Variants in PRSS23 observed in about 807,000 individuals in gnomAD.
PRSS23 encodes the protein serine protease 23.
A neutral mutation model predicts 34.7 loss-of-function variants in PRSS23; 25 were observed. The observed-to-expected ratio is 0.72, with a 90% CI of 0.53 to 1.01. The LOEUF (loss-of-function observed/expected upper bound fraction) is 1.01. Ranked by LOEUF, PRSS23 falls within the 50% of genes least tolerant of loss-of-function variation. The probability of loss-of-function intolerance (pLI) is 0.00; values close to 1 mark genes in which losing one functional copy is unlikely to be tolerated. For missense variants in PRSS23, 445 were observed against 475.6 expected, an observed-to-expected ratio of 0.94 and a Z score of 0.60; for synonymous variants, 176 against 186.6, an observed-to-expected ratio of 0.94 and a Z score of 0.46.
At chr11:86,928,978 G>A (rs957239348) in intron 2 of PRSS23, among the ~76,000 whole-genome samples, 1 of 151,922 alleles carries the variant, frequency 6.6e-6, no homozygotes, top group African/African-American at 2.4e-5. Flanking sequence ...TTGTGGATGG[G>A]AATATGAAGT....
intron 2 of PRSS23, among the ~76,000 whole-genome samples, chr11:86,886,355 T>C (rs942181417): frequency 6.6e-5 from 10 of 152,164 alleles, no homozygotes; most frequent in African/African-American, 1.9e-4. Flanking sequence ...GGATCATTTG[T>C]AGGAGTATAA....
chr11:86,896,190 TC>T (rs1185352160), intron 2 of PRSS23, among the ~76,000 whole-genome samples: 4 of 152,178 alleles, frequency 2.6e-5, no homozygotes, highest in African/African-American at 9.7e-5. Context: ...GGCAGATATT[TC>T]AGGATGTATA....
At chr11:86,923,496 A>G (rs1439751366) in intron 2 of PRSS23, among the ~76,000 whole-genome samples, 1 of 152,186 alleles carries the variant, frequency 6.6e-6, no homozygotes, top group Admixed American at 6.5e-5. Flanking sequence ...GCAGAACTAG[A>G]CTATAGGCCA....
chr11:86,895,611 C>T (rs1337640702), intron 2 of PRSS23, among the ~76,000 whole-genome samples: 2 of 150,004 alleles, frequency 1.3e-5, no homozygotes, highest in East Asian at 4.0e-4. Context: ...TCCTAAGTAG[C>T]TGGGACCACA....
intron 2 of PRSS23, among the ~76,000 whole-genome samples, chr11:86,869,641 A>G (rs1360674572): frequency 6.6e-6 from 1 of 152,130 alleles, no homozygotes; most frequent in Non-Finnish European, 1.5e-5. Context: ...ACAGAGCTGG[A>G]TTAACTTCTG....
At chr11:86,925,372 T>TAAGCTGCTTCTCATTGGCTGAC (rs1182936594) in intron 2 of PRSS23, among the ~76,000 whole-genome samples, 9 of 151,970 alleles carry the variant, frequency 5.9e-5, no homozygotes, top group African/African-American at 2.2e-4. Flanking sequence ...GTCCGATTGA[T>TAAGCTGCTTCTCATTGGCTGAC]AAGCTGCTTC....
intron 2 of PRSS23, among the ~76,000 whole-genome samples, chr11:86,895,680 A>G (rs561339284): frequency 1.4e-4 from 22 of 151,908 alleles, no homozygotes; most frequent in African/African-American, 4.8e-4. Flanking sequence ...GGGTTTCACC[A>G]TGTTGCCCAG....
chr11:86,842,886 G>A (rs184145564), intron 2 of PRSS23, among the ~76,000 whole-genome samples: 1 of 152,008 alleles, frequency 6.6e-6, no homozygotes, highest in African/African-American at 2.4e-5. Context: ...CCATCAACTA[G>A]CACTAATTTT....
intron 2 of PRSS23, among the ~76,000 whole-genome samples, chr11:86,879,803 C>T (rs1417479282): frequency 1.8e-5 from 2 of 111,284 alleles, no homozygotes; most frequent in East Asian, 6.1e-4. Context: ...GGCCAGCCGC[C>T]CCGTCCGGGA....
intron 2 of PRSS23, chr11:86,938,944 T>C (rs77433857): frequency 0.045 from 18,434 of 405,290 alleles, 622 homozygotes; most frequent in South Asian, 0.097. Flanking sequence ...CATTAAAAGA[T>C]AGCCAAATGG....
intron 2 of PRSS23, among the ~76,000 whole-genome samples, chr11:86,841,533 G>A (rs567545945): frequency 4.6e-5 from 7 of 152,032 alleles, no homozygotes; most frequent in African/African-American, 1.2e-4. Context: ...AACACAGACC[G>A]CTAGCAAGAC....
chr11:86,864,394 T>C (rs1285109224), intron 2 of PRSS23, among the ~76,000 whole-genome samples: 1 of 152,134 alleles, frequency 6.6e-6, no homozygotes, highest in African/African-American at 2.4e-5. Context: ...TGGCGGTTCA[T>C]GTGTAGCAGA....
intron 2 of PRSS23, chr11:86,823,727 C>G (rs1948271993): frequency 1.6e-6 from 1 of 633,500 alleles, no homozygotes; most frequent in Admixed American, 2.3e-5. Flanking sequence ...TCAGAGCAGG[C>G]CGGGCGCGGT....
chr11:86,951,107 C>G (rs780777696), intron 2 of PRSS23: 1 of 1,609,802 alleles, frequency 6.2e-7, no homozygotes, highest in East Asian at 2.2e-5. Context: ...GCATTCCCCC[C>G]TTCAAAATGA....
chr11:86,835,071 G>A (rs985566913), intron 2 of PRSS23, among the ~76,000 whole-genome samples: 4 of 152,174 alleles, frequency 2.6e-5, no homozygotes. Flanking sequence ...TTTCTTCATT[G>A]TCTGGAAGAA....
intron 2 of PRSS23, among the ~76,000 whole-genome samples, chr11:86,866,603 C>G (rs892761843): frequency 6.6e-6 from 1 of 152,142 alleles, no homozygotes; most frequent in Non-Finnish European, 1.5e-5. Flanking sequence ...TAAGGATGAG[C>G]AAGATACCCA....
chr11:86,929,316 C>G (rs1479139956), intron 2 of PRSS23, among the ~76,000 whole-genome samples: 2 of 146,046 alleles, frequency 1.4e-5, no homozygotes, highest in South Asian at 4.4e-4. Context: ...CAGCGAAACT[C>G]CGTCTCAAAA....
At chr11:86,939,291 A>G (rs890497773) in intron 2 of PRSS23, among the ~76,000 whole-genome samples, 9 of 151,748 alleles carry the variant, frequency 5.9e-5, no homozygotes, top group East Asian at 1.9e-4. Flanking sequence ...TTCTGCCTGT[A>G]TTCACCACTA....
chr11:86,941,390 T>C (rs1178773424), intron 2 of PRSS23, among the ~76,000 whole-genome samples: 5 of 152,350 alleles, frequency 3.3e-5, no homozygotes, highest in African/African-American at 9.6e-5. Flanking sequence ...AGCGAACTTC[T>C]AGAGGGAAAG....
Sources: gnomAD v4.1 joint callset for allele counts (sites outside exome capture counted in the v4.1 genomes callset) on GRCh38, gnomAD v4.1.1 for gene constraint, MANE v1.5 for transcripts, NCBI Gene and HGNC (gene_info 2026-07-23, HGNC 2026-07-21) for gene names.